TMEFF2: variants seen among roughly 807,000 people sequenced by gnomAD.
The protein encoded by TMEFF2 is transmembrane protein with EGF like and two follistatin like domains 2.
A neutral mutation model predicts 53.8 loss-of-function variants in TMEFF2; 28 were observed. The ratio of observed to expected loss-of-function variants is 0.52; its 90% CI spans 0.39 to 0.71. TMEFF2 has a LOEUF of 0.71. Ranked by LOEUF, TMEFF2 falls within the 30% of genes least tolerant of loss-of-function variation. The pLI is 0.00. For missense variants in TMEFF2, 353 were observed against 455.2 expected (o/e 0.78, Z 2.04); for synonymous variants, 162 against 166.3 (o/e 0.97, Z 0.20).
At chr2:191,952,576 G>A (rs1489315833) in intron 9 of TMEFF2, among the ~76,000 whole-genome samples, 2 of 152,200 alleles carry the variant, frequency 1.3e-5, no homozygotes, top group East Asian at 3.9e-4. Context: ...TGAGAGTCGA[G>A]TTGATGAACT....
chr2:192,186,961 C>A (rs577889201), intron 2 of TMEFF2, among the ~76,000 whole-genome samples: 1 of 152,104 alleles, frequency 6.6e-6, no homozygotes, highest in South Asian at 2.1e-4. Flanking sequence ...AAGCCAAATT[C>A]GAACAGTTCT....
chr2:191,964,324 C>A (rs1692368325), intron 7 of TMEFF2, among the ~76,000 whole-genome samples: 3 of 117,172 alleles, frequency 2.6e-5, no homozygotes, highest in South Asian at 2.7e-4. Context: ...TCCTTCCTTC[C>A]TTTCTTTCCT....
chr2:192,111,300 T>G (rs1258696008), intron 4 of TMEFF2, among the ~76,000 whole-genome samples: 1 of 152,158 alleles, frequency 6.6e-6, no homozygotes, highest in Non-Finnish European at 1.5e-5. Context: ...GATAATGATG[T>G]GGACACTGAA....
chr2:192,132,018 C>T (rs1178419076), intron 4 of TMEFF2, among the ~76,000 whole-genome samples: 4 of 152,088 alleles, frequency 2.6e-5, no homozygotes, highest in African/African-American at 9.7e-5. Context: ...CCTTCTTTCC[C>T]TCCCGCCTGT....
intron 4 of TMEFF2, among the ~76,000 whole-genome samples, chr2:192,154,034 C>A (rs575370630): frequency 6.6e-6 from 1 of 151,966 alleles, no homozygotes; most frequent in East Asian, 1.9e-4. Context: ...AATGCTAATT[C>A]CATTAACCAG....
At chr2:192,002,178 T>C (rs1686381295) in intron 5 of TMEFF2, among the ~76,000 whole-genome samples, 1 of 152,154 alleles carries the variant, frequency 6.6e-6, no homozygotes, top group African/African-American at 2.4e-5. Flanking sequence ...TCTTGTTGCC[T>C]CAAATAAAGC....
intron 5 of TMEFF2, chr2:192,037,809 A>G (rs1167564819): frequency 6.6e-6 from 1 of 152,032 alleles, no homozygotes; most frequent in Non-Finnish European, 1.5e-5. Flanking sequence ...TCAACCATAA[A>G]CTGTTCTTTC....
intron 4 of TMEFF2, among the ~76,000 whole-genome samples, chr2:192,140,808 C>T (rs1181391837): frequency 1.3e-5 from 2 of 152,126 alleles, no homozygotes; most frequent in Non-Finnish European, 2.9e-5. Flanking sequence ...AACACCATGT[C>T]ATGAAGTCAT....
Position 192,094,497 on chromosome 2 carries a change from AGT to A in TMEFF2, c.440-36724_440-36723del, listed in dbSNP as rs141812850. On this transcript the variant is annotated intron_variant, in intron 4 of 9. Coordinates refer to ENST00000272771, the MANE Select transcript of TMEFF2 (RefSeq NM_016192.4). ...GGCCAGAGGACAAAATATTCTTAGC[AGT>A]GTGTGTGTGTGTGTTTGTGTGTGTT... Among the ~76,000 whole-genome samples, 8 of 151,304 alleles carry A rather than the reference AGT, an allele frequency of 5.3e-5. No individual in the cohort carries two copies. In the South Asian group the frequency reaches 6.3e-4, roughly 12 times the overall value.
At chr2:192,006,060 C>CTTT (rs56336479) in intron 5 of TMEFF2, among the ~76,000 whole-genome samples, 59,500 of 139,768 alleles carry the variant, frequency 0.43, 15,205 homozygotes, top group Middle Eastern at 0.57. Context: ...TCTCAGGTGA[C>CTTT]TTTTTTTTTT....
intron 7 of TMEFF2, among the ~76,000 whole-genome samples, chr2:191,969,764 C>T (rs1692582107): frequency 6.6e-6 from 1 of 151,982 alleles, no homozygotes; most frequent in South Asian, 2.1e-4. Context: ...TTGAAAGAGC[C>T]AGAAGGCATA....
At chr2:192,049,175 A>G (rs1687701549) in intron 5 of TMEFF2, among the ~76,000 whole-genome samples, 1 of 68,336 alleles carries the variant, frequency 1.5e-5, no homozygotes, top group African/African-American at 4.2e-5. Flanking sequence ...GTGTGTGTGC[A>G]TACTCACAAT....
intron 7 of TMEFF2, among the ~76,000 whole-genome samples, chr2:191,957,922 T>C (rs1304196542): frequency 3.9e-5 from 6 of 152,248 alleles, no homozygotes; most frequent in East Asian, 1.9e-4. Flanking sequence ...TAAGAATGTA[T>C]AGAACTTTTT....
At chr2:192,112,819 A>C (rs137933593) in intron 4 of TMEFF2, among the ~76,000 whole-genome samples, 3,622 of 152,232 alleles carry the variant, frequency 0.024, 142 homozygotes, top group African/African-American at 0.082. Context: ...GTAGTGAATA[A>C]GTCTCATGAG....
At chr2:191,998,009 G>T (rs565779907) in intron 7 of TMEFF2, among the ~76,000 whole-genome samples, 1 of 151,920 alleles carries the variant, frequency 6.6e-6, no homozygotes, top group South Asian at 2.1e-4. Context: ...TGTACTATTT[G>T]CACTGTAAAG....
chr2:191,983,969 T>G (rs2105818109), intron 7 of TMEFF2, among the ~76,000 whole-genome samples: 1 of 152,320 alleles, frequency 6.6e-6, no homozygotes, highest in South Asian at 2.1e-4. Flanking sequence ...ATGAATGAAC[T>G]ATGCTATTTC....
Position 192,194,236 on chromosome 2 carries a change from G to A in TMEFF2, c.172+117C>T, listed in dbSNP as rs933428044. On this transcript the variant is annotated intron_variant, in intron 1 of 9. Transcript: ENST00000272771. This position sits in a 1 kb window ranked among gnomAD's most constrained non-coding sequence, Gnocchi z 4.2. ...TGGATAGAGGTGGGTGGTATTAGGG[G>A]TCTAGGGCAGTAGGAGGTGAGGGGC... 4 of 1,240,600 alleles carry A rather than the reference G, an allele frequency of 3.2e-6. No individual in the cohort carries two copies. The African/African-American group carries it at 5.9e-5, about 18-fold the overall frequency. The allele number at this position is 1,240,600 out of a possible 1,614,324, so 76.8% of individuals were successfully genotyped here. A position where few individuals can be genotyped will look rare whatever the true frequency, so the allele number is the denominator to read the frequency against.
chr2:192,031,769 T>G (rs1265823103), intron 5 of TMEFF2: 1 of 152,162 alleles, frequency 6.6e-6, no homozygotes, highest in East Asian at 1.9e-4. Flanking sequence ...ATCTAATGGC[T>G]GCAATTTTAA....
At chr2:191,976,252 T>A (rs1685723182) in intron 7 of TMEFF2, among the ~76,000 whole-genome samples, 1 of 152,176 alleles carries the variant, frequency 6.6e-6, no homozygotes, top group East Asian at 1.9e-4. Context: ...ATGGGGATAA[T>A]CATAGTATTT....
Sources: allele counts gnomAD v4.1 joint callset (sites outside exome capture counted in the v4.1 genomes callset), GRCh38; gene constraint gnomAD v4.1.1; non-coding constraint Gnocchi (gnomAD v3.1); transcripts MANE v1.5; gene names NCBI Gene and HGNC (gene_info 2026-07-23, HGNC 2026-07-21).